GCNT2: variants seen among roughly 807,000 people sequenced by gnomAD.
The protein encoded by GCNT2 is N-acetyllactosaminide beta-1,6-N-acetylglucosaminyl-transferase.
GCNT2 carries 34 observed loss-of-function variants against 34.2 expected under a neutral mutation model. That is an observed-to-expected ratio of 1.00 (90% CI 0.76 to 1.32). GCNT2 has a LOEUF of 1.32. Ranked by LOEUF, GCNT2 falls within the 40% of genes most tolerant of loss-of-function variation. The probability of loss-of-function intolerance (pLI) is 0.00; values close to 1 mark genes in which losing one functional copy is unlikely to be tolerated. For missense variants in GCNT2, 584 were observed against 489.4 expected (o/e 1.19, Z -1.82); for synonymous variants, 212 against 188.0 (o/e 1.13, Z -1.04).
At chr6:10,582,613 A>C (rs1764173840) in intron 3 of GCNT2, among the ~76,000 whole-genome samples, 1 of 137,908 alleles carries the variant, frequency 7.3e-6, no homozygotes, top group African/African-American at 2.8e-5. Flanking sequence ...TATTTATATA[A>C]ATATATATAT....
At chr6:10,554,833 T>C (rs1487159419) in intron 3 of GCNT2, among the ~76,000 whole-genome samples, 1 of 152,148 alleles carries the variant, frequency 6.6e-6, no homozygotes, top group African/African-American at 2.4e-5. Context: ...AGAGTTTATT[T>C]AGGAGACTTT....
intron 3 of GCNT2, among the ~76,000 whole-genome samples, chr6:10,539,180 CTT>C (rs71548847): frequency 0.023 from 1,514 of 65,082 alleles, 9 homozygotes; most frequent in African/African-American, 0.089. Context: ...CTCACCGTCT[CTT>C]TTTTTTTTTT....
chr6:10,528,048 A>G (rs1348158470), intron 2 of GCNT2, among the ~76,000 whole-genome samples: 2 of 152,204 alleles, frequency 1.3e-5, no homozygotes, highest in East Asian at 3.9e-4. Context: ...GCCTGTATGC[A>G]ATTTTGGGTG....
chr6:10,623,873 T>A (rs1280594770), intron 4 of GCNT2, among the ~76,000 whole-genome samples: 1 of 152,206 alleles, frequency 6.6e-6, no homozygotes, highest in Non-Finnish European at 1.5e-5. Flanking sequence ...AGCTTCCTTC[T>A]GAGGACTCCC....
chr6:10,569,585 G>C (rs1415434971), intron 3 of GCNT2, among the ~76,000 whole-genome samples: 2 of 152,180 alleles, frequency 1.3e-5, no homozygotes, highest in Non-Finnish European at 2.9e-5. Context: ...AAAGCATCCT[G>C]CTTATTTTGG....
At chr6:10,567,561 T>G (rs1292718591) in intron 3 of GCNT2, among the ~76,000 whole-genome samples, 1 of 152,208 alleles carries the variant, frequency 6.6e-6, no homozygotes, top group Non-Finnish European at 1.5e-5. Context: ...CTTTTTCCCT[T>G]TACTCATTGA....
chr6:10,585,971 C>T (rs371364114), intron 3 of GCNT2: 1 of 1,612,960 alleles, frequency 6.2e-7, no homozygotes, highest in East Asian at 2.2e-5. Flanking sequence ...GAGATTGTTT[C>T]CCCAGGGAAG....
At chr6:10,580,309 C>A (rs2127406253) in intron 3 of GCNT2, among the ~76,000 whole-genome samples, 1 of 152,258 alleles carries the variant, frequency 6.6e-6, no homozygotes, top group Admixed American at 6.5e-5. Context: ...TCATTCCCAG[C>A]AGCCCCCACC....
intron 3 of GCNT2, among the ~76,000 whole-genome samples, chr6:10,597,149 T>C (rs986703441): frequency 1.4e-5 from 2 of 141,080 alleles, no homozygotes; most frequent in Non-Finnish European, 3.0e-5. Flanking sequence ...AAAGTAGGAA[T>C]TGCCTTTTTT....
intron 3 of GCNT2, among the ~76,000 whole-genome samples, chr6:10,539,756 G>A (rs1761954805): frequency 6.6e-6 from 1 of 152,172 alleles, no homozygotes; most frequent in Admixed American, 6.5e-5. Flanking sequence ...CTAACATTTG[G>A]TTTTGAAAGC....
intron 3 of GCNT2, among the ~76,000 whole-genome samples, chr6:10,598,628 C>T (rs193158313): frequency 2.5e-4 from 38 of 152,320 alleles, no homozygotes; most frequent in Non-Finnish European, 4.7e-4. Context: ...CAAGTACTTA[C>T]ACAATATCTT....
chr6:10,623,130 C>T (rs1325834387), intron 4 of GCNT2, among the ~76,000 whole-genome samples: 1 of 152,118 alleles, frequency 6.6e-6, no homozygotes, highest in African/African-American at 2.4e-5. Context: ...CTCTCCATTA[C>T]ACCAACCTCT....
intron 3 of GCNT2, 88 bp from the exon 4 acceptor site, chr6:10,621,259 AAAGT>A: frequency 2.4e-6 from 2 of 817,082 alleles, no homozygotes; most frequent in Non-Finnish European, 4.2e-6. Context: ...AAACTGAAAG[AAAGT>A]AAGCCTGACT....
chr6:10,556,864 C>T (rs764556134), intron 3 of GCNT2: 25 of 1,614,056 alleles, frequency 1.5e-5, no homozygotes, highest in Admixed American at 3.3e-5. Flanking sequence ...GCTTCCCAAA[C>T]GCTTTTCTGG....
At chr6:10,612,861 T>C (rs1765619473) in intron 3 of GCNT2, among the ~76,000 whole-genome samples, 1 of 152,178 alleles carries the variant, frequency 6.6e-6, no homozygotes, top group Admixed American at 6.6e-5. Flanking sequence ...ATTTTAAAAG[T>C]CCCTTCCGTA....
At chr6:10,582,211 T>C (rs1481086969) in intron 3 of GCNT2, among the ~76,000 whole-genome samples, 1 of 112,786 alleles carries the variant, frequency 8.9e-6, no homozygotes, top group African/African-American at 3.3e-5. Context: ...TAAAATTTAT[T>C]ATATATATAA....
At chr6:10,564,988 G>A (rs139626220) in intron 3 of GCNT2, among the ~76,000 whole-genome samples, 30 of 152,344 alleles carry the variant, frequency 2.0e-4, no homozygotes, top group African/African-American at 6.5e-4. Context: ...GCAACCTACT[G>A]TAGATGAAAT....
chr6:10,550,490 AATTATT>A (rs533906870), intron 3 of GCNT2, among the ~76,000 whole-genome samples: 4 of 151,654 alleles, frequency 2.6e-5, no homozygotes, highest in Non-Finnish European at 4.4e-5. Flanking sequence ...CCAAAATGCA[AATTATT>A]ATTATTATTA....
Position 10,556,651 on chromosome 6 carries a change from G to C in GCNT2, c.925+26815G>C, listed in dbSNP as rs552308089. The stretch of plus-strand genomic sequence containing the variant: ...AGAAGTCTTCTTGCAAGGAATACTT[G>C]ACCCAGAGCCACTACATCACAGCCC... On this transcript the variant is annotated intron_variant, in intron 3 of 4. Transcript: ENST00000495262. The C allele has an allele frequency of 6.2e-6, 10 of 1,613,898 alleles. No homozygotes were observed. The Admixed American group carries it at 1.5e-4, about 24-fold the overall frequency.
Sources: gnomAD v4.1 joint callset for allele counts (sites outside exome capture counted in the v4.1 genomes callset) on GRCh38, gnomAD v4.1.1 for gene constraint, MANE v1.5 for transcripts, NCBI Gene and HGNC (gene_info 2026-07-23, HGNC 2026-07-21) for gene names.